GRID2: variants seen among roughly 807,000 people sequenced by gnomAD.
The protein encoded by GRID2 is glutamate ionotropic receptor delta type subunit 2, also known as glutamate receptor ionotropic, delta-2.
GRID2 carries 33 observed loss-of-function variants against 114.8 expected under a neutral mutation model. The observed-to-expected ratio is 0.29, with a 90% CI of 0.22 to 0.38. The LOEUF is 0.38. Ranked by LOEUF, GRID2 falls within the 10% of genes least tolerant of loss-of-function variation. GRID2 has a pLI of 1.00. For missense variants in GRID2, 1,184 were observed against 1,257.7 expected, an observed-to-expected ratio of 0.94 and a Z score of 0.89; for synonymous variants, 505 against 449.9, an observed-to-expected ratio of 1.12 and a Z score of -1.55.
chr4:92,411,388 A>G (rs1180649322), intron 1 of GRID2, among the ~76,000 whole-genome samples: 26 of 152,070 alleles, frequency 1.7e-4, no homozygotes, highest in Admixed American at 1.6e-3. Context: ...AATGACTGGT[A>G]GAAATCTTAC....
intron 4 of GRID2, among the ~76,000 whole-genome samples, 153 bp from the exon 5 acceptor site, chr4:93,207,251 G>C (rs1742909453): frequency 6.6e-6 from 1 of 151,724 alleles, no homozygotes; most frequent in Non-Finnish European, 1.5e-5. Context: ...TGCATCTACA[G>C]TGTTTTGCTA....
chr4:92,777,314 C>T (rs1418527778), intron 2 of GRID2, among the ~76,000 whole-genome samples: 1 of 151,906 alleles, frequency 6.6e-6, no homozygotes, highest in Non-Finnish European at 1.5e-5. Context: ...CTTTTATGAC[C>T]TTGCTGTTAT....
intron 1 of GRID2, among the ~76,000 whole-genome samples, chr4:92,491,477 T>C (rs556056055): frequency 6.6e-6 from 1 of 152,314 alleles, no homozygotes; most frequent in Admixed American, 6.5e-5. Flanking sequence ...TTCCAAATTG[T>C]TTAAAGTAAC....
intron 1 of GRID2, among the ~76,000 whole-genome samples, chr4:92,583,511 C>A (rs1379374641): frequency 1.3e-5 from 2 of 151,790 alleles, no homozygotes; most frequent in African/African-American, 4.8e-5. Flanking sequence ...GTTCTGAAAA[C>A]CCTATTTCAT....
intron 3 of GRID2, among the ~76,000 whole-genome samples, chr4:93,107,040 C>T (rs1732303150): frequency 6.6e-6 from 1 of 152,118 alleles, no homozygotes; most frequent in African/African-American, 2.4e-5. Flanking sequence ...TGGCTTATGC[C>T]TGTAATCCAA....
chr4:93,016,309 A>G (rs946205202), intron 2 of GRID2, among the ~76,000 whole-genome samples: 1 of 152,148 alleles, frequency 6.6e-6, no homozygotes, highest in African/African-American at 2.4e-5. Flanking sequence ...ACCTCTATTC[A>G]CCTCTGAACC....
At chr4:93,479,020 G>C (rs984599584) in intron 11 of GRID2, among the ~76,000 whole-genome samples, 1 of 151,996 alleles carries the variant, frequency 6.6e-6, no homozygotes, top group South Asian at 2.1e-4. Flanking sequence ...ACATAGAGGC[G>C]TGCATTGAGG....
At chr4:93,159,189 A>G (rs932248155) in intron 4 of GRID2, among the ~76,000 whole-genome samples, 2 of 151,724 alleles carry the variant, frequency 1.3e-5, no homozygotes, top group African/African-American at 4.8e-5. Flanking sequence ...GCTTGAGGAA[A>G]TAGATGATTG....
intron 1 of GRID2, among the ~76,000 whole-genome samples, chr4:92,341,912 CAAAAA>C: frequency 1.3e-5 from 1 of 77,492 alleles, no homozygotes; most frequent in African/African-American, 4.6e-5. Flanking sequence ...GACTCCATCT[CAAAAA>C]AAAAAAAAAA....
chr4:92,711,942 G>T (rs1735274031), intron 2 of GRID2, among the ~76,000 whole-genome samples: 1 of 152,152 alleles, frequency 6.6e-6, no homozygotes, highest in Non-Finnish European at 1.5e-5. Context: ...ATGTGGTTTT[G>T]TTAAGTCAAT....
chr4:93,791,857 T>C (rs1308435529), intron 1 of GRID2, among the ~76,000 whole-genome samples: 1 of 152,242 alleles, frequency 6.6e-6, no homozygotes, highest in Non-Finnish European at 1.5e-5. Flanking sequence ...CAGCATTGTG[T>C]GAAAAGTCTC....
intron 1 of GRID2, among the ~76,000 whole-genome samples, chr4:93,784,562 C>T (rs1178512380): frequency 6.6e-6 from 1 of 151,476 alleles, no homozygotes; most frequent in Admixed American, 6.6e-5. Context: ...TCAGGAAGTC[C>T]TATGGAGACA....
intron 14 of GRID2, among the ~76,000 whole-genome samples, chr4:93,713,205 C>G (rs1728633184): frequency 6.6e-6 from 1 of 152,010 alleles, no homozygotes; most frequent in Non-Finnish European, 1.5e-5. Flanking sequence ...GTGTAATAAT[C>G]TTTTCTTTTT....
At chr4:92,810,621 A>G (rs1010564576) in intron 2 of GRID2, among the ~76,000 whole-genome samples, 5 of 152,112 alleles carry the variant, frequency 3.3e-5, no homozygotes, top group African/African-American at 1.2e-4. Flanking sequence ...AATCTGATTC[A>G]TAGACAATCT....
Position 93,705,085 on chromosome 4 carries a change from C to T in GRID2, c.2361-64125C>T, listed in dbSNP as rs960981292. Among the ~76,000 whole-genome samples the T allele has an allele frequency of 3.3e-5, 5 of 152,094 alleles. 1 individual carries two copies. In the South Asian group the frequency reaches 1.0e-3, roughly 32 times the overall value. ...TTCCCGCTAACAGTGTACAAAGATT[C>T]CTTTTGCTCCACATCCTTACCAGCA... On this transcript the variant is annotated intron_variant, in intron 14 of 15. Transcript: ENST00000282020.
chr4:92,837,104 A>G (rs561573115), intron 2 of GRID2, among the ~76,000 whole-genome samples: 11 of 152,178 alleles, frequency 7.2e-5, no homozygotes, highest in Admixed American at 1.3e-4. Flanking sequence ...TCTCAAATCC[A>G]TCTCCCTGAA....
intron 13 of GRID2, among the ~76,000 whole-genome samples, chr4:93,592,047 T>C (rs1315055554): frequency 6.6e-6 from 1 of 152,234 alleles, no homozygotes; most frequent in Admixed American, 6.5e-5. Context: ...ATTTTGTGTC[T>C]CTATTTCCTT....
intron 2 of GRID2, among the ~76,000 whole-genome samples, chr4:92,810,292 T>TATTTTAA (rs1212364136): frequency 6.6e-6 from 1 of 152,018 alleles, no homozygotes; most frequent in Non-Finnish European, 1.5e-5. Context: ...ATTTATGAGT[T>TATTTTAA]ATTTTAAATT....
intron 1 of GRID2, among the ~76,000 whole-genome samples, chr4:92,449,038 A>G (rs1720744511): frequency 6.6e-6 from 1 of 152,096 alleles, no homozygotes; most frequent in Non-Finnish European, 1.5e-5. Context: ...CATAAATATA[A>G]CTAGAAATTA....
Sources: gnomAD v4.1 joint callset for allele counts (sites outside exome capture counted in the v4.1 genomes callset) on GRCh38, gnomAD v4.1.1 for gene constraint, MANE v1.5 for transcripts, NCBI Gene and HGNC (gene_info 2026-07-23, HGNC 2026-07-21) for gene names.